CTNNA2: variants seen among roughly 807,000 people sequenced by gnomAD.
CTNNA2 encodes the protein catenin alpha 2.
A neutral mutation model predicts 101.0 loss-of-function variants in CTNNA2; 42 were observed. The ratio of observed to expected loss-of-function variants is 0.42; its 90% CI spans 0.32 to 0.54. The LOEUF is 0.54. CTNNA2 is among the 20% of genes least tolerant of loss of function. CTNNA2 has a pLI of 0.14. For missense variants in CTNNA2, 871 were observed against 1,223.1 expected, an observed-to-expected ratio of 0.71 and a Z score of 4.29; for synonymous variants, 450 against 456.4, an observed-to-expected ratio of 0.99 and a Z score of 0.18.
intron 1 of CTNNA2, among the ~76,000 whole-genome samples, chr2:79,640,052 T>C (rs933763261): frequency 6.6e-6 from 1 of 151,954 alleles, no homozygotes; most frequent in Non-Finnish European, 1.5e-5. Context: ...CTGCTAATCA[T>C]TGTGAAAGTG....
chr2:80,028,074 G>C (rs973814931), intron 7 of CTNNA2: 1 of 150,650 alleles, frequency 6.6e-6, no homozygotes, highest in Non-Finnish European at 1.5e-5. Context: ...AGAAGATGAA[G>C]TGTGGCTTTT....
At chr2:79,960,512 G>A (rs1457785216) in intron 7 of CTNNA2, among the ~76,000 whole-genome samples, 1 of 152,162 alleles carries the variant, frequency 6.6e-6, no homozygotes, top group African/African-American at 2.4e-5. Context: ...AGGTAGCAAA[G>A]CCATTAGCTA....
intron 7 of CTNNA2, among the ~76,000 whole-genome samples, chr2:80,146,609 C>T (rs528237743): frequency 1.3e-5 from 2 of 151,748 alleles, no homozygotes; most frequent in Non-Finnish European, 2.9e-5. Flanking sequence ...AGATTTGGAC[C>T]ACGAGACTCT....
At chr2:80,440,711 A>G (rs958296498) in intron 9 of CTNNA2, among the ~76,000 whole-genome samples, 4 of 152,148 alleles carry the variant, frequency 2.6e-5, no homozygotes, top group African/African-American at 9.7e-5. Flanking sequence ...GCATTACGGG[A>G]ATTTGTGATC....
intron 2 of CTNNA2, among the ~76,000 whole-genome samples, chr2:79,260,956 T>C (rs554988883): frequency 3.3e-5 from 5 of 152,286 alleles, no homozygotes; most frequent in Admixed American, 6.5e-5. Context: ...TAAGGACATG[T>C]CAAATGAGCA....
chr2:80,606,037 T>A (rs150517334), intron 16 of CTNNA2, among the ~76,000 whole-genome samples: 1 of 151,894 alleles, frequency 6.6e-6, no homozygotes, highest in East Asian at 2.0e-4. Flanking sequence ...CTTGAAAGTA[T>A]GCATACAAAA....
At chr2:79,373,060 G>A (rs549378051) in intron 3 of CTNNA2, among the ~76,000 whole-genome samples, 1 of 152,296 alleles carries the variant, frequency 6.6e-6, no homozygotes, top group Non-Finnish European at 1.5e-5. Flanking sequence ...TTGGCAAAAT[G>A]TATAGCAATA....
intron 7 of CTNNA2, among the ~76,000 whole-genome samples, chr2:80,219,540 G>T (rs777236652): frequency 6.6e-6 from 1 of 151,954 alleles, no homozygotes; most frequent in Non-Finnish European, 1.5e-5. Flanking sequence ...CCTAATTTAA[G>T]ATCTAGAATA....
At chr2:79,964,522 AGTTT>A (rs1689887305) in intron 7 of CTNNA2, among the ~76,000 whole-genome samples, 2 of 152,208 alleles carry the variant, frequency 1.3e-5, no homozygotes, top group South Asian at 2.1e-4. Flanking sequence ...TGTCATTAAA[AGTTT>A]GTTTTTGTTC....
chr2:79,639,730 A>T (rs1409257715), intron 1 of CTNNA2, among the ~76,000 whole-genome samples: 3 of 152,128 alleles, frequency 2.0e-5, no homozygotes, highest in African/African-American at 7.2e-5. Context: ...TATTGTAGGA[A>T]ATTTGGGTTG....
chr2:80,160,388 T>C (rs1704238488), intron 7 of CTNNA2, among the ~76,000 whole-genome samples: 1 of 152,204 alleles, frequency 6.6e-6, no homozygotes, highest in African/African-American at 2.4e-5. Context: ...TCAATTTGGG[T>C]AGAATTGATG....
intron 9 of CTNNA2, among the ~76,000 whole-genome samples, chr2:80,456,697 T>C (rs927545662): frequency 2.0e-5 from 3 of 152,192 alleles, no homozygotes; most frequent in African/African-American, 2.4e-5. Flanking sequence ...CAGGTACTTA[T>C]ACACTTCGAG....
intron 2 of CTNNA2, among the ~76,000 whole-genome samples, chr2:79,731,369 G>C (rs938970098): frequency 2.6e-5 from 4 of 152,088 alleles, no homozygotes; most frequent in Non-Finnish European, 5.9e-5. Context: ...TTTACCAAAT[G>C]TGGTTGATAT....
rs896718803 is a variant in CTNNA2 at position 80,593,675 on chromosome 2, C to G, written c.2189+4190C>G. On this transcript the variant is annotated intron_variant, in intron 15 of 18. Transcript: ENST00000402739. Reference sequence around the variant, plus strand: ...TAAACTCCCCATCTGCCTTCCATTTCTATGAATTTGACTAATACAGGTATC... The same window carrying G: ...TAAACTCCCCATCTGCCTTCCATTTGTATGAATTTGACTAATACAGGTATC... Among the ~76,000 whole-genome samples, 8 of 152,160 alleles carry G rather than the reference C, an allele frequency of 5.3e-5. No homozygotes were observed. The East Asian group carries it at 5.8e-4, about 11-fold the overall frequency.
At position 79,214,894 on chromosome 2, in the gene CTNNA2, G is replaced by A. The variant is rs527641074; in HGVS notation, c.-406+16818G>A. Among the ~76,000 whole-genome samples, 7 of 152,002 alleles carry A rather than the reference G, an allele frequency of 4.6e-5. No individual in the cohort carries two copies. The East Asian group carries it at 5.9e-4, about 13-fold the overall frequency. ...TTTTAAGAGGTTTAGAAGCCTGGCC[G>A]TCAATACCCACAACAGTTCTGGAGG... On this transcript the variant is annotated intron_variant, in intron 2 of 21. Coordinates refer to the CTNNA2 transcript ENST00000466387.
intron 16 of CTNNA2, among the ~76,000 whole-genome samples, chr2:80,604,451 C>G (rs1697828503): frequency 6.6e-6 from 1 of 151,850 alleles, no homozygotes; most frequent in Non-Finnish European, 1.5e-5. Flanking sequence ...CCTGAAGAGT[C>G]ACGGATTGTC....
At chr2:79,629,386 A>G (rs929856835) in intron 1 of CTNNA2, among the ~76,000 whole-genome samples, 1 of 152,214 alleles carries the variant, frequency 6.6e-6, no homozygotes, top group African/African-American at 2.4e-5. Context: ...TCTTGGCCAC[A>G]TATTGGCCAT....
At chr2:80,421,086 G>GT (rs1559095636) in intron 9 of CTNNA2, among the ~76,000 whole-genome samples, 1 of 151,898 alleles carries the variant, frequency 6.6e-6, no homozygotes, top group African/African-American at 2.4e-5. Flanking sequence ...GATCACTTTC[G>GT]TATTTTGAGA....
At chr2:79,219,908 T>G (rs1320821102) in intron 2 of CTNNA2, among the ~76,000 whole-genome samples, 1 of 152,202 alleles carries the variant, frequency 6.6e-6, no homozygotes, top group South Asian at 2.1e-4. Context: ...ATTCATCCTT[T>G]CTTCCTTTGT....
Sources: allele counts gnomAD v4.1 joint callset (sites outside exome capture counted in the v4.1 genomes callset), GRCh38; gene constraint gnomAD v4.1.1; transcripts MANE v1.5; gene names NCBI Gene and HGNC (gene_info 2026-07-23, HGNC 2026-07-21).